Variants in PDZD9 observed in about 807,000 individuals in gnomAD.
The protein encoded by PDZD9 is PDZ domain-containing protein 9.
Under a neutral mutation model 16.3 loss-of-function variants are expected in PDZD9, and 13 were observed. The observed-to-expected ratio is 0.80, with a 90% CI of 0.52 to 1.27. The LOEUF (loss-of-function observed/expected upper bound fraction) is 1.27. Ranked by LOEUF, PDZD9 falls within the 50% of genes most tolerant of loss-of-function variation. The pLI, the probability that PDZD9 is intolerant of heterozygous loss-of-function variation, is 0.00. For synonymous variants in PDZD9, 120 were observed against 111.0 expected (o/e 1.08, Z -0.51); for missense variants, 288 against 310.9 (o/e 0.93, Z 0.55).
chr16:21,984,175 A>G lies in PDZD9; in HGVS notation c.*92T>C. 7.2e-7 allele frequency: 1 copy of G among 1,386,758 alleles called. No homozygotes were observed. The highest frequency in any genetic ancestry group is 1.4e-5 in the South Asian group (1 of 71,168). The allele number at this position is 1,386,758 out of a possible 1,614,324, so 85.9% of individuals were successfully genotyped here. A position where few individuals can be genotyped will look rare whatever the true frequency, so the allele number is the denominator to read the frequency against. ...AAGAGAAGAGAATTGGTGAGTCTACAGACAGTCCTTGATAAGTACAGCAAA... is the reference window on the plus strand; with the variant it reads ...AAGAGAAGAGAATTGGTGAGTCTACGGACAGTCCTTGATAAGTACAGCAAA... On this transcript the variant is annotated 3_prime_UTR_variant, in exon 4 of 4. Coordinates refer to ENST00000424898, the MANE Select transcript of PDZD9 (RefSeq NM_001363519.1).
chr16:21,996,461 G>T lies in PDZD9; in HGVS notation c.72C>A (p.Asn24Lys), dbSNP rs187205052. ...GTTTGGTCTGCTGTGTTTTGCTCAA[G>T]TTGTGTACAGATGTTTTGACCTTGT... ...VSNKVKTSVHNLSKTQQTKLT... is the reference protein window; with the variant it reads ...VSNKVKTSVHKLSKTQQTKLT... The change falls in exon 2 of 4, where the codon AAC becomes AAA. Residue 24 changes from asparagine to lysine, a missense_variant. Transcript: ENST00000424898. The T allele has an allele frequency of 6.5e-7, 1 of 1,536,090 alleles. No individual in the cohort carries two copies.
downstream of PDZD9, chr16:21,980,790 T>C: frequency 4.1e-6 from 6 of 1,471,690 alleles, no homozygotes; most frequent in Non-Finnish European, 5.5e-6. Context: ...CCTTGGGCAG[T>C]GTATTATTCT....
At chr16:21,980,542 G>T, downstream of PDZD9, 1 of 1,612,356 alleles carries the variant, frequency 6.2e-7, no homozygotes, top group East Asian at 2.2e-5. Flanking sequence ...CCTTTTATTG[G>T]ACAGGAACAA....
the PDZD9 span, chr16:21,962,786 A>G: frequency 3.0e-5 from 49 of 1,614,010 alleles, 1 homozygote; most frequent in Non-Finnish European, 2.2e-5. Context: ...GTTCCTGCTC[A>G]ATGTCACCAC....
At position 21,984,238 on chromosome 16, in the gene PDZD9, A is replaced by C; in HGVS notation, c.*29T>G. On this transcript the variant is annotated 3_prime_UTR_variant, in exon 4 of 4. Coordinates refer to ENST00000424898, the MANE Select transcript of PDZD9 (RefSeq NM_001363519.1). ...GAGGCACAAAACTTGGGTGTCTGCA[A>C]GATAAATGCTCATATGACCACAGAT... 1 of 1,577,074 alleles carries C rather than the reference A, an allele frequency of 6.3e-7. No homozygotes were observed. Among genetic ancestry groups the C allele is most frequent in the South Asian group, 1.2e-5 (1 of 85,172 alleles).
At chr16:21,975,112 G>C in the PDZD9 span, among the ~76,000 whole-genome samples, 3 of 152,170 alleles carry the variant, frequency 2.0e-5, no homozygotes, top group Non-Finnish European at 4.4e-5. Context: ...AATGGAGGAG[G>C]TAGGTATTAG....
chr16:21,988,248 T>C (rs1037074586), intron 3 of PDZD9, among the ~76,000 whole-genome samples: 3 of 151,918 alleles, frequency 2.0e-5, no homozygotes, highest in Non-Finnish European at 2.9e-5. Context: ...GACCTCATGA[T>C]CCACCCGCCT....
At chr16:21,993,898 C>T (rs530763980) in intron 2 of PDZD9, among the ~76,000 whole-genome samples, 3 of 152,294 alleles carry the variant, frequency 2.0e-5, no homozygotes, top group African/African-American at 7.2e-5. Flanking sequence ...CTCAATGGCT[C>T]ACACCTGTAA....
chr16:21,979,324 A>G (rs116214382), downstream of PDZD9, among the ~76,000 whole-genome samples: 786 of 152,316 alleles, frequency 5.2e-3, 12 homozygotes, highest in African/African-American at 0.018. Flanking sequence ...CTATGGAGGA[A>G]AACCATCGCA....
intron 2 of PDZD9, among the ~76,000 whole-genome samples, chr16:21,991,947 C>A (rs1024090503): frequency 6.6e-6 from 1 of 152,174 alleles, no homozygotes; most frequent in Non-Finnish European, 1.5e-5. Flanking sequence ...AGGCACACAT[C>A]GGTTCAAATC....
the PDZD9 span, among the ~76,000 whole-genome samples, chr16:21,960,522 G>A: frequency 3.9e-5 from 6 of 152,214 alleles, no homozygotes; most frequent in Admixed American, 1.3e-4. Context: ...TATGTGTTCA[G>A]TGGAGTAGCA....
the PDZD9 span, chr16:21,968,742 A>T: frequency 6.7e-7 from 1 of 1,493,568 alleles, no homozygotes; most frequent in Admixed American, 2.0e-5. Flanking sequence ...AGTTCCTTAA[A>T]CTGTAATTAC....
At chr16:21,969,864 CTTTGTT>C in the PDZD9 span, among the ~76,000 whole-genome samples, 1 of 151,640 alleles carries the variant, frequency 6.6e-6, no homozygotes, top group African/African-American at 2.4e-5. Flanking sequence ...CACTAATCTA[CTTTGTT>C]TTTGTTTTTT....
the PDZD9 span, among the ~76,000 whole-genome samples, chr16:21,969,388 G>A: frequency 1.3e-5 from 2 of 152,164 alleles, no homozygotes; most frequent in African/African-American, 2.4e-5. Flanking sequence ...ACAAAAATTA[G>A]TCGGGCATGG....
intron 3 of PDZD9, among the ~76,000 whole-genome samples, chr16:21,986,406 G>T (rs1227179989): frequency 6.6e-6 from 1 of 151,954 alleles, no homozygotes; most frequent in Non-Finnish European, 1.5e-5. Flanking sequence ...TAATATTCTG[G>T]ATCTCAAAAC....
chr16:21,999,993 A>T (rs1173339137), intron 1 of PDZD9, among the ~76,000 whole-genome samples: 1 of 152,018 alleles, frequency 6.6e-6, no homozygotes, highest in East Asian at 1.9e-4. Flanking sequence ...GTAAGCCAAG[A>T]TCATGCCGCT....
the PDZD9 span, among the ~76,000 whole-genome samples, chr16:21,957,817 C>T: frequency 6.6e-6 from 1 of 152,210 alleles, no homozygotes; most frequent in Admixed American, 6.5e-5. Context: ...TCTAGGAAGG[C>T]ACAAATCCTC....
chr16:21,969,644 T>C, the PDZD9 span, among the ~76,000 whole-genome samples: 1 of 152,088 alleles, frequency 6.6e-6, no homozygotes, highest in South Asian at 2.1e-4. Context: ...ATATCATTTG[T>C]AATATTTTTT....
chr16:21,991,824 G>T (rs764349506), intron 2 of PDZD9, among the ~76,000 whole-genome samples: 3 of 152,140 alleles, frequency 2.0e-5, no homozygotes, highest in Non-Finnish European at 4.4e-5. Flanking sequence ...CTAGAATGAT[G>T]CCGAGGAGAA....
Sources: allele counts gnomAD v4.1 joint callset (sites outside exome capture counted in the v4.1 genomes callset), GRCh38; gene constraint gnomAD v4.1.1; transcripts MANE v1.5; gene names NCBI Gene and HGNC (gene_info 2026-07-23, HGNC 2026-07-21).